The following UTRN variants were observed in gnomAD, a reference collection of about 807,000 sequenced individuals.
The protein encoded by UTRN is dystrophin-related protein 1.
Under a neutral mutation model 463.9 loss-of-function variants are expected in UTRN, and 283 were observed. The observed-to-expected ratio is 0.61, with a 90% CI of 0.55 to 0.67. The LOEUF (loss-of-function observed/expected upper bound fraction) is 0.67. Ranked by LOEUF, UTRN falls within the 30% of genes least tolerant of loss-of-function variation. The pLI is 0.00. For synonymous variants in UTRN, 1,442 were observed against 1,431.5 expected (o/e 1.01, Z -0.17); for missense variants, 3,922 against 4,084.3 (o/e 0.96, Z 1.08).
chr6:144,654,654 T>C (rs1258992689), intron 51 of UTRN, among the ~76,000 whole-genome samples: 1 of 152,248 alleles, frequency 6.6e-6, no homozygotes, highest in Middle Eastern at 3.2e-3. Flanking sequence ...TTGCATATGC[T>C]ACAGGCTTGT....
At chr6:144,748,033 T>C (rs1242199019) in intron 54 of UTRN, among the ~76,000 whole-genome samples, 1 of 152,312 alleles carries the variant, frequency 6.6e-6, no homozygotes, top group African/African-American at 2.4e-5. Flanking sequence ...GTAACTGTTT[T>C]ATTATCCTTT....
chr6:144,628,798 A>G (rs1296834287), intron 51 of UTRN, among the ~76,000 whole-genome samples: 3 of 152,108 alleles, frequency 2.0e-5, no homozygotes, highest in Non-Finnish European at 4.4e-5. Context: ...GATAGATCTG[A>G]CGATTCACAA....
At chr6:144,483,459 T>A (rs1176550209) in intron 27 of UTRN, among the ~76,000 whole-genome samples, 1 of 152,184 alleles carries the variant, frequency 6.6e-6, no homozygotes. Flanking sequence ...TTTGTTTTGT[T>A]TGAGACAGGG....
In UTRN at chr6:144,410,579, G is replaced by A. The variant is rs143443540; in HGVS notation, c.141+7395G>A. On this transcript the variant is annotated intron_variant, in intron 3 of 74. Coordinates refer to ENST00000367545, the MANE Select transcript of UTRN (RefSeq NM_007124.3). Reference sequence around the variant, plus strand: ...TTATCCCTCACCCCCACTCCCACCTGCACCCCCCGCCCAGGTCCCCAAAGT... The same window carrying A: ...TTATCCCTCACCCCCACTCCCACCTACACCCCCCGCCCAGGTCCCCAAAGT... Among the ~76,000 whole-genome samples, 263 of 136,690 alleles carry A rather than the reference G, an allele frequency of 1.9e-3. 1 individual carries two copies. The highest frequency in any genetic ancestry group is 3.5e-3 in the Middle Eastern group (1 of 282). The allele number at this position is 136,690 out of a possible 152,430, so 89.7% of individuals were successfully genotyped here.
At chr6:144,502,104 TTA>T (rs1794243842) in intron 34 of UTRN, among the ~76,000 whole-genome samples, 1 of 150,512 alleles carries the variant, frequency 6.6e-6, no homozygotes, top group African/African-American at 2.5e-5. Context: ...TTTTTAAGTT[TTA>T]TTTTTTTTTT....
chr6:144,433,675 C>A (rs146776335), intron 9 of UTRN, among the ~76,000 whole-genome samples: 5 of 148,792 alleles, frequency 3.4e-5, no homozygotes, highest in Admixed American at 3.3e-4. Flanking sequence ...GGGTCGCGGC[C>A]GGGCAGAGGC....
At chr6:144,820,856 A>T (rs1779541701) in intron 65 of UTRN, 26 bp from the exon 66 acceptor site, 1 of 1,600,064 alleles carries the variant, frequency 6.2e-7, no homozygotes, top group Non-Finnish European at 8.5e-7. Context: ...TTACTGAGAG[A>T]AGTGTAATTG....
intron 3 of UTRN, 35 bp downstream of exon 3, chr6:144,403,219 A>AT: frequency 6.3e-7 from 1 of 1,589,678 alleles, no homozygotes; most frequent in Admixed American, 1.7e-5. Context: ...GATGGTTCAG[A>AT]TGCCGCATTC....
chr6:144,566,514 G>A (rs1800415958), intron 50 of UTRN, among the ~76,000 whole-genome samples: 1 of 152,012 alleles, frequency 6.6e-6, no homozygotes, highest in African/African-American at 2.4e-5. Flanking sequence ...GAGGAGAACA[G>A]GATTGCCTGT....
chr6:144,828,056 A>C (rs1780344267), intron 68 of UTRN, among the ~76,000 whole-genome samples: 1 of 152,140 alleles, frequency 6.6e-6, no homozygotes, highest in South Asian at 2.1e-4. Context: ...GCTTTAGGAT[A>C]GGGGTTTATT....
intron 52 of UTRN, among the ~76,000 whole-genome samples, chr6:144,689,864 A>C (rs1369699205): frequency 6.6e-6 from 1 of 152,056 alleles, no homozygotes; most frequent in Non-Finnish European, 1.5e-5. Context: ...CCAAGGTCAC[A>C]CAAGTTTTCC....
rs184033404 is a variant in UTRN at position 144,577,407 on chromosome 6, C to G, written c.7479+119C>G. ...TGTCACTTTATTCTCTTATGAAATC[C>G]GTGCTCTCCTGTGAATAATAGGTTT... On this transcript the variant is annotated intron_variant, in intron 51 of 74. Coordinates refer to ENST00000367545, the MANE Select transcript of UTRN (RefSeq NM_007124.3). 1.6e-4 allele frequency: 159 copies of G among 1,019,396 alleles called. No homozygotes were observed. In the African/African-American group the frequency reaches 2.2e-3, roughly 14 times the overall value. 63.1% of individuals were successfully genotyped at this position (1,019,396 alleles called of 1,614,324 possible).
Position 144,351,403 on chromosome 6 carries a change from A to C in UTRN, c.80-51720A>C, listed in dbSNP as rs558395246. Among the ~76,000 whole-genome samples the C allele has an allele frequency of 5.3e-5, 8 of 152,356 alleles. No individual in the cohort carries two copies. The South Asian group carries it at 1.7e-3, about 32-fold the overall frequency. Reference sequence around the variant, plus strand: ...TTTAGATTCGTTAGTGATTTTTCACATCAAAGCATTGAAGCTGTAATTCTA... The same window carrying C: ...TTTAGATTCGTTAGTGATTTTTCACCTCAAAGCATTGAAGCTGTAATTCTA... On this transcript the variant is annotated intron_variant, in intron 2 of 74. Transcript: ENST00000367545.
intron 2 of UTRN, among the ~76,000 whole-genome samples, chr6:144,348,017 A>G (rs998981223): frequency 6.6e-5 from 10 of 151,438 alleles, no homozygotes; most frequent in African/African-American, 2.4e-4. Context: ...CTAATTTTTA[A>G]TAGTTTTTCT....
chr6:144,766,405 A>G (rs1793351956), intron 58 of UTRN, among the ~76,000 whole-genome samples: 1 of 152,178 alleles, frequency 6.6e-6, no homozygotes, highest in African/African-American at 2.4e-5. Flanking sequence ...TGCTATATAT[A>G]TGTAACTTCT....
intron 46 of UTRN, among the ~76,000 whole-genome samples, chr6:144,547,307 C>T (rs1798503458): frequency 6.6e-6 from 1 of 151,744 alleles, no homozygotes. Context: ...TTGCAAATAC[C>T]ATCTCCTTTC....
At chr6:144,372,089 C>G (rs1377536271) in intron 2 of UTRN, among the ~76,000 whole-genome samples, 1 of 152,252 alleles carries the variant, frequency 6.6e-6, no homozygotes, top group African/African-American at 2.4e-5. Context: ...TTTTAAGCCA[C>G]TCTTCCTCCT....
At chr6:144,557,357 A>C (rs866470190) in intron 50 of UTRN, 46 bp downstream of exon 50, 11 of 1,568,636 alleles carry the variant, frequency 7.0e-6, no homozygotes, top group Middle Eastern at 3.7e-4. Flanking sequence ...TCAAGTTGAG[A>C]ATTTGATGGC....
chr6:144,822,809 A>G (rs1453309411), intron 66 of UTRN, among the ~76,000 whole-genome samples: 1 of 152,064 alleles, frequency 6.6e-6, no homozygotes, highest in Non-Finnish European at 1.5e-5. Flanking sequence ...TTTGGAATGG[A>G]TAATTCTGAG....
Sources: gnomAD v4.1 joint callset for allele counts (sites outside exome capture counted in the v4.1 genomes callset) on GRCh38, gnomAD v4.1.1 for gene constraint, MANE v1.5 for transcripts, NCBI Gene and HGNC (gene_info 2026-07-23, HGNC 2026-07-21) for gene names.